The following LRP1B variants were observed in gnomAD, a reference collection of about 807,000 sequenced individuals.
The protein encoded by LRP1B is LDL receptor related protein 1B, also known as low-density lipoprotein receptor-related protein 1B.
In LRP1B, 217 loss-of-function variants were observed where a neutral mutation model predicts 556.6. The ratio of observed to expected loss-of-function variants is 0.39; its 90% confidence interval spans 0.35 to 0.44. LRP1B has a LOEUF of 0.44. Among genes scored for constraint, LRP1B ranks in the 20% least tolerant of loss-of-function variants. The pLI, the probability that LRP1B is intolerant of heterozygous loss-of-function variation, is 1.00. For missense variants in LRP1B, 5,053 were observed against 5,620.8 expected (o/e 0.90, Z 3.23); for synonymous variants, 2,047 against 1,865.8 (o/e 1.10, Z -2.50).
chr2:140,951,213 T>C (rs1163894460), intron 19 of LRP1B, among the ~76,000 whole-genome samples: 1 of 152,160 alleles, frequency 6.6e-6, no homozygotes, highest in Non-Finnish European at 1.5e-5. Flanking sequence ...ACCCACTCTT[T>C]ACCCCTCCTC....
intron 11 of LRP1B, among the ~76,000 whole-genome samples, chr2:141,040,097 A>G (rs1698653363): frequency 6.6e-6 from 1 of 152,064 alleles, no homozygotes; most frequent in Non-Finnish European, 1.5e-5. Flanking sequence ...TCTCCTTTAC[A>G]ATTTTATTTA....
chr2:141,112,577 G>A lies in LRP1B; in HGVS notation c.1014-50304C>T, dbSNP rs369868576. The stretch of plus-strand genomic sequence containing the variant: ...TGAAACAAAATAATGCTATTTGTGA[G>A]TTCAATGTCAATATTTAAACAATTT... On this transcript the variant is annotated intron_variant, in intron 7 of 90. Coordinates refer to ENST00000389484, the MANE Select transcript of LRP1B (RefSeq NM_018557.3). 2.8e-4 allele frequency among the ~76,000 whole-genome samples: 42 copies of A among 152,152 alleles called. No homozygotes were observed. In the East Asian group the frequency reaches 3.8e-3, roughly 14 times the overall value.
intron 3 of LRP1B, among the ~76,000 whole-genome samples, chr2:141,418,581 T>C (rs748862993): frequency 6.6e-5 from 10 of 152,118 alleles, no homozygotes; most frequent in East Asian, 1.9e-4. Context: ...TTCTGTTCCA[T>C]TGAAGTAATG....
chr2:141,049,331 T>TA lies in LRP1B; in HGVS notation c.1553-110dup, dbSNP rs143836551. 1.5e-3 allele frequency: 1,071 copies of TA among 732,340 alleles called. 7 individuals are homozygous for TA. The African/African-American group carries it at 0.017, about 12-fold the overall frequency. The allele number at this position is 732,340 out of a possible 1,614,324, so 45.4% of individuals were successfully genotyped here. On this transcript the variant is annotated intron_variant, in intron 10 of 90. Transcript: ENST00000389484. Reference sequence around the variant, plus strand: ...AATTAGCGTTTTTTAAATTCAATGCTAAAAATTAAACTCTAAAATATGCCA... The same window carrying TA: ...AATTAGCGTTTTTTAAATTCAATGCTAAAAAATTAAACTCTAAAATATGCCA...
At chr2:141,460,042 A>T (rs1227283232) in intron 3 of LRP1B, among the ~76,000 whole-genome samples, 1 of 152,190 alleles carries the variant, frequency 6.6e-6, no homozygotes, top group Non-Finnish European at 1.5e-5. Context: ...AAGCACTAAA[A>T]CAAATGTATT....
At chr2:141,359,355 C>T (rs16845906) in intron 3 of LRP1B, among the ~76,000 whole-genome samples, 6,376 of 148,134 alleles carry the variant, frequency 0.043, 215 homozygotes, top group African/African-American at 0.083. Flanking sequence ...AATAGGCAAA[C>T]ATTAGAATGA....
At chr2:141,817,264 G>A (rs1301708191) in intron 1 of LRP1B, among the ~76,000 whole-genome samples, 2 of 152,086 alleles carry the variant, frequency 1.3e-5, no homozygotes, top group Non-Finnish European at 2.9e-5. Flanking sequence ...GGAGCTTATG[G>A]AAATGTGAAG....
chr2:141,833,929 G>C (rs1413215600), intron 1 of LRP1B, among the ~76,000 whole-genome samples: 4 of 147,364 alleles, frequency 2.7e-5, no homozygotes, highest in Non-Finnish European at 5.9e-5. Flanking sequence ...GGGATAGGAG[G>C]GAATGATGGA....
At chr2:141,249,750 A>G (rs903972844) in intron 4 of LRP1B, among the ~76,000 whole-genome samples, 2 of 152,204 alleles carry the variant, frequency 1.3e-5, no homozygotes, top group South Asian at 2.1e-4. Context: ...TATGCAATGC[A>G]TGAATCCAAT....
intron 41 of LRP1B, among the ~76,000 whole-genome samples, chr2:140,657,604 C>T (rs1176928211): frequency 1.5e-5 from 2 of 136,432 alleles, no homozygotes; most frequent in Non-Finnish European, 3.2e-5. Flanking sequence ...CATATATATA[C>T]ATATATATAC....
intron 2 of LRP1B, among the ~76,000 whole-genome samples, chr2:141,544,971 A>G (rs1315124884): frequency 6.6e-6 from 1 of 152,090 alleles, no homozygotes; most frequent in Non-Finnish European, 1.5e-5. Flanking sequence ...GAGCCAAACC[A>G]TATCATTCCC....
chr2:141,896,664 A>G (rs926809332), intron 1 of LRP1B, among the ~76,000 whole-genome samples: 6 of 152,310 alleles, frequency 3.9e-5, no homozygotes, highest in East Asian at 3.9e-4. Flanking sequence ...AGGCATCATA[A>G]TTAGCTGCCC....
intron 7 of LRP1B, among the ~76,000 whole-genome samples, chr2:141,089,034 A>T (rs532466063): frequency 6.6e-6 from 1 of 152,260 alleles, no homozygotes; most frequent in East Asian, 1.9e-4. Context: ...CTCAGAGAAA[A>T]TGGAGTAACA....
At chr2:140,597,072 A>G (rs1168222025) in intron 43 of LRP1B, among the ~76,000 whole-genome samples, 2 of 152,218 alleles carry the variant, frequency 1.3e-5, no homozygotes, top group Non-Finnish European at 2.9e-5. Context: ...ATTAACAAAA[A>G]TATTAACTTT....
chr2:140,349,839 T>G (rs1681877116), intron 77 of LRP1B, among the ~76,000 whole-genome samples: 1 of 152,174 alleles, frequency 6.6e-6, no homozygotes, highest in Non-Finnish European at 1.5e-5. Flanking sequence ...AGGTTTCATC[T>G]AAGTTAATCT....
At chr2:140,518,062 A>G (rs1459567463) in intron 49 of LRP1B, among the ~76,000 whole-genome samples, 1 of 152,020 alleles carries the variant, frequency 6.6e-6, no homozygotes, top group Non-Finnish European at 1.5e-5. Flanking sequence ...TCAGGTTTAC[A>G]TGATTTTACA....
intron 3 of LRP1B, among the ~76,000 whole-genome samples, chr2:141,286,478 A>C (rs1302905618): frequency 1.3e-5 from 2 of 152,182 alleles, no homozygotes; most frequent in African/African-American, 4.8e-5. Context: ...TGGCCTCATA[A>C]AATGAATTGG....
At chr2:140,798,054 T>G (rs1417753729) in intron 32 of LRP1B, among the ~76,000 whole-genome samples, 2 of 152,136 alleles carry the variant, frequency 1.3e-5, no homozygotes, top group African/African-American at 4.8e-5. Flanking sequence ...TCATATGCCC[T>G]GCTTGAATCT....
At chr2:141,200,498 T>C (rs1017962140) in intron 6 of LRP1B, among the ~76,000 whole-genome samples, 3 of 152,092 alleles carry the variant, frequency 2.0e-5, no homozygotes, top group African/African-American at 7.2e-5. Flanking sequence ...CAAAATAATA[T>C]CTGATATAGT....
Sources: allele counts gnomAD v4.1 joint callset (sites outside exome capture counted in the v4.1 genomes callset), GRCh38; gene constraint gnomAD v4.1.1; transcripts MANE v1.5; gene names NCBI Gene and HGNC (gene_info 2026-07-23, HGNC 2026-07-21).